Variants in DMPK observed in about 807,000 individuals in gnomAD.
DMPK encodes the protein DM1 protein kinase.
Under a neutral mutation model 70.3 loss-of-function variants are expected in DMPK, and 32 were observed. That is an observed-to-expected ratio of 0.46 (90% CI 0.34 to 0.61). DMPK has a LOEUF of 0.61. DMPK is among the 20% of genes least tolerant of loss of function. The probability of loss-of-function intolerance (pLI) is 0.01; values close to 1 mark genes in which losing one functional copy is unlikely to be tolerated. For missense variants in DMPK, 899 were observed against 886.0 expected (o/e 1.01, Z -0.19); for synonymous variants, 469 against 390.9 (o/e 1.20, Z -2.36).
Position 45,779,822 on chromosome 19 carries a change from C to T in DMPK, c.208G>A (p.Asp70Asn). ...CCGATCACCTTCAGAATCTCGAAGT[C>T]GTCCCTCTGCAGTCGGACCTCCTTA... ...RLKEVRLQRD[D>N]FEILKVIGRG... The change falls in exon 2 of 15, where the codon GAC becomes AAC. Residue 70 changes from aspartate (D) to asparagine (N), a missense_variant. Asp to Asn is a conservative substitution (Grantham distance 23). Coordinates refer to ENST00000291270, the MANE Select transcript of DMPK (RefSeq NM_004409.5). 2 of 1,587,114 alleles carry T rather than the reference C, an allele frequency of 1.3e-6. No individual in the cohort carries two copies. Among genetic ancestry groups the T allele is most frequent in the Non-Finnish European group, 1.7e-6 (2 of 1,164,642 alleles).
chr19:45,779,018 C>T (rs566799097), intron 4 of DMPK: 9 of 591,002 alleles, frequency 1.5e-5, no homozygotes, highest in South Asian at 8.1e-5. Flanking sequence ...AGAGACCCCC[C>T]GCAACAGAGA....
intron 13 of DMPK, 27 bp from the exon 14 acceptor site, chr19:45,771,087 G>T: frequency 6.7e-7 from 1 of 1,503,248 alleles, no homozygotes; most frequent in Non-Finnish European, 9.0e-7. Context: ...CAGGTGACCC[G>T]ATCGGAGCCC....
rs778635591 is a variant in DMPK at position 45,771,331 on chromosome 19, G to A, written c.1647+19C>T. 1 of 1,584,106 alleles carries A rather than the reference G, an allele frequency of 6.3e-7. No homozygotes were observed. Among genetic ancestry groups the A allele is most frequent in the Non-Finnish European group, 8.6e-7 (1 of 1,168,910 alleles). On this transcript the variant is annotated intron_variant, in intron 13 of 14. Transcript: ENST00000291270. ...GAATGGGCAGCAGGTCTGAGGCAGGGGAAAGAGAGGGGTCTTACATGGGAA... is the reference window on the plus strand; with the variant it reads ...GAATGGGCAGCAGGTCTGAGGCAGGAGAAAGAGAGGGGTCTTACATGGGAA...
At chr19:45,782,104 GCCC>G (rs149612963) in intron 1 of DMPK, 86 bp downstream of exon 1, 24 of 722,692 alleles carry the variant, frequency 3.3e-5, no homozygotes, top group East Asian at 3.1e-4. Flanking sequence ...CTGCCATCCT[GCCC>G]CCCCAACAGC....
rs1349076495 is a variant in DMPK at position 45,770,202 on chromosome 19, CCCCAGCAGCAGCAGCAG to C, written c.*269_*285del. The C allele has an allele frequency of 1.5e-6, 1 of 684,756 alleles. No homozygotes were observed. Among genetic ancestry groups the C allele is most frequent in the Non-Finnish European group, 2.3e-6 (1 of 427,720 alleles). 42.4% of individuals were successfully genotyped at this position (684,756 alleles called of 1,614,324 possible). ...GAAAGAAAGAAATGGTCTGTGATCC[CCCCAGCAGCAGCAGCAG>C]CAGCAGCAGCAGCAGCAGCAGCAGC... On this transcript the variant is annotated 3_prime_UTR_variant, in exon 15 of 15. Transcript: ENST00000291270.
chr19:45,770,265 C>CTT lies in DMPK; in HGVS notation c.*222_*223insAA, dbSNP rs1969294559. 4 of 691,016 alleles carry CTT rather than the reference C, an allele frequency of 5.8e-6. No individual in the cohort carries two copies. The highest frequency in any genetic ancestry group is 4.7e-6 in the Non-Finnish European group (2 of 429,878). 42.8% of individuals were successfully genotyped at this position (691,016 alleles called of 1,614,324 possible). On this transcript the variant is annotated 3_prime_UTR_variant, in exon 15 of 15. Transcript: ENST00000291270. ...GCAGCAGCAGCAGCAGCAGCAGCAG[C>CTT]ATTCCCGGCTACAAGGACCCTTCGA...
At position 45,770,407 on chromosome 19, in the gene DMPK, G is replaced by A; in HGVS notation, c.*81C>T. The A allele has an allele frequency of 6.7e-7, 1 of 1,501,112 alleles. No individual in the cohort carries two copies. Among genetic ancestry groups the A allele is most frequent in the South Asian group, 1.2e-5 (1 of 82,960 alleles). 93.0% of individuals were successfully genotyped at this position (1,501,112 alleles called of 1,614,324 possible). A position where few individuals can be genotyped will look rare whatever the true frequency, so the allele number is the denominator to read the frequency against. ...CGCTCGGAGCGGTTGTGAACTGGCA[G>A]GCGGTGGGCGCGGCTTCTGTGCCGT... is the stretch of plus-strand genomic sequence containing the variant. On this transcript the variant is annotated 3_prime_UTR_variant, in exon 15 of 15. Coordinates refer to ENST00000291270, the MANE Select transcript of DMPK (RefSeq NM_004409.5).
In DMPK at chr19:45,774,940, A is replaced by C. The variant is rs372117801; in HGVS notation, c.1232+9T>G. ...GTGGCCCCTGGAGGCCGTCCAGGGC[A>C]GTGCTTACCTGAGGGCCATGCAGGA... On this transcript the variant is annotated intron_variant, in intron 9 of 14. Coordinates refer to ENST00000291270, the MANE Select transcript of DMPK (RefSeq NM_004409.5). 1 of 1,612,550 alleles carries C rather than the reference A, an allele frequency of 6.2e-7. No individual in the cohort carries two copies. Among genetic ancestry groups the C allele is most frequent in the African/African-American group, 1.3e-5 (1 of 74,904 alleles).
intron 4 of DMPK, chr19:45,778,853 T>C: frequency 2.4e-6 from 1 of 421,004 alleles, no homozygotes; most frequent in East Asian, 3.9e-5. Context: ...ACAAAAAAAC[T>C]TTCCTGGGAT....
rs1266895802 is a variant in DMPK at position 45,771,553 on chromosome 19, A to G, written c.1600+15T>C. ...CTCCCGGTCCTCCGGGGAAGGGGAC[A>G]CATGAGGGACTCACCTGTGGCTCCC... On this transcript the variant is annotated intron_variant, in intron 12 of 14. Transcript: ENST00000291270. The G allele has an allele frequency of 6.2e-7, 1 of 1,613,900 alleles. No individual in the cohort carries two copies. The highest frequency in any genetic ancestry group is 8.5e-7 in the Non-Finnish European group (1 of 1,179,918).
At chr19:45,780,224 G>T in intron 1 of DMPK, 1 of 1,480,336 alleles carries the variant, frequency 6.8e-7, no homozygotes, top group Non-Finnish European at 8.9e-7. Context: ...CTTCCACCCT[G>T]ACTCCAGGTG....
In DMPK at chr19:45,771,897, G is replaced by C; in HGVS notation, c.1376C>G (p.Ala459Gly). Reference protein sequence around the residue: ...AEVAVPAAVPAAEAEAEVTLR... With the variant: ...AEVAVPAAVPGAEAEAEVTLR... The stretch of plus-strand genomic sequence containing the variant: ...CGTCACCTCGGCCTCAGCCTCTGCC[G>C]CAGGGACAGCCGCTGGAACTGCCAC... The change falls in exon 11 of 15, where the codon GCG becomes GGG. Residue 459 changes from alanine (A) to glycine (G), a missense_variant. Physicochemically the swap from Ala to Gly is moderately conservative, Grantham distance 60. Transcript: ENST00000291270. The C allele has an allele frequency of 6.3e-7, 1 of 1,595,440 alleles. No individual in the cohort carries two copies.
chr19:45,778,086 T>G, intron 6 of DMPK, 41 bp downstream of exon 6: 1 of 1,522,286 alleles, frequency 6.6e-7, no homozygotes, highest in Non-Finnish European at 9.0e-7. Flanking sequence ...CCATCCCTCA[T>G]CAGCAGCCCC....
chr19:45,771,519 G>A (rs1191818547), intron 12 of DMPK, 49 bp downstream of exon 12: 1 of 1,612,412 alleles, frequency 6.2e-7, no homozygotes, highest in South Asian at 1.1e-5. Flanking sequence ...GGAGCAGACG[G>A]CCCACCTCCT....
intron 5 of DMPK, 96 bp from the exon 6 acceptor site, chr19:45,778,316 C>G: frequency 7.2e-7 from 1 of 1,394,806 alleles, no homozygotes; most frequent in East Asian, 2.5e-5. Flanking sequence ...TGGGACCCCA[C>G]TTCCTCGGGT....
At position 45,778,319 on chromosome 19, in the gene DMPK, C is replaced by T. The variant is rs1051400315; in HGVS notation, c.582-99G>A. Reference sequence around the variant, plus strand: ...GGCAGTGCCACCTGGGACCCCACTTCCTCGGGTTCCGCCCCTGTAGGGCTT... The same window carrying T: ...GGCAGTGCCACCTGGGACCCCACTTTCTCGGGTTCCGCCCCTGTAGGGCTT... On this transcript the variant is annotated intron_variant, in intron 5 of 14. Transcript: ENST00000291270. The T allele has an allele frequency of 1.2e-5, 16 of 1,383,298 alleles. No individual in the cohort carries two copies. The South Asian group carries it at 2.0e-4, about 17-fold the overall frequency. 85.7% of individuals were successfully genotyped at this position (1,383,298 alleles called of 1,614,324 possible).
At chr19:45,772,776 G>A (rs577654202) in intron 9 of DMPK, 24 bp from the exon 10 acceptor site, 5 of 1,355,638 alleles carry the variant, frequency 3.7e-6, no homozygotes, top group East Asian at 2.8e-5. Flanking sequence ...GAGGGAGTGG[G>A]GAGGGAGACA....
At chr19:45,771,533 G>T in intron 12 of DMPK, 35 bp downstream of exon 12, 3 of 1,613,172 alleles carry the variant, frequency 1.9e-6, no homozygotes, top group Non-Finnish European at 2.5e-6. Flanking sequence ...ACCTCCTCCC[G>T]GTCCTCCGGG....
At chr19:45,778,882 TC>T (rs1398881230) in intron 4 of DMPK, 2 of 506,292 alleles carry the variant, frequency 4.0e-6, no homozygotes, top group Non-Finnish European at 6.9e-6. Flanking sequence ...GCAGATTCAC[TC>T]CCCCTGAGAT....
Sources: gnomAD v4.1 joint callset for allele counts on GRCh38, gnomAD v4.1.1 for gene constraint, MANE v1.5 for transcripts, NCBI Gene and HGNC (gene_info 2026-07-23, HGNC 2026-07-21) for gene names.